The following MTR variants were observed in gnomAD, a reference collection of about 807,000 sequenced individuals.
MTR encodes 5-methyltetrahydrofolate-homocysteine methyltransferase.
A neutral mutation model predicts 154.8 loss-of-function variants in MTR; 84 were observed. The observed-to-expected ratio is 0.54, with a 90% CI of 0.45 to 0.65. The LOEUF is 0.65. Among genes scored for constraint, MTR ranks in the 30% least tolerant of loss-of-function variants. The pLI is 0.00. For synonymous variants in MTR, 554 were observed against 553.9 expected, an observed-to-expected ratio of 1.00 and a Z score of 0.00; for missense variants, 1,275 against 1,570.2, an observed-to-expected ratio of 0.81 and a Z score of 3.18.
chr1:236,845,295 G>GA (rs528234112), intron 15 of MTR, among the ~76,000 whole-genome samples: 9 of 152,094 alleles, frequency 5.9e-5, no homozygotes, highest in Non-Finnish European at 1.2e-4. Flanking sequence ...GCAAATGTAG[G>GA]AAAAAAAATT....
At chr1:236,857,501 G>A (rs577444223) in intron 18 of MTR, among the ~76,000 whole-genome samples, 15 of 152,170 alleles carry the variant, frequency 9.9e-5, no homozygotes, top group African/African-American at 3.4e-4. Flanking sequence ...AAACTCCACC[G>A]CATGGGTTTT....
At chr1:236,884,060 CAAAT>C (rs1244213319) in intron 25 of MTR, among the ~76,000 whole-genome samples, 1 of 151,898 alleles carries the variant, frequency 6.6e-6, no homozygotes, top group Non-Finnish European at 1.5e-5. Context: ...ATCATAATAA[CAAAT>C]AATATTTAGC....
intron 24 of MTR, among the ~76,000 whole-genome samples, chr1:236,878,683 C>A (rs1481796573): frequency 6.6e-6 from 1 of 152,118 alleles, no homozygotes; most frequent in African/African-American, 2.4e-5. Context: ...TCAAAGCTGT[C>A]CTGAGCTGCA....
chr1:236,840,577 G>A (rs1327183953), intron 15 of MTR, among the ~76,000 whole-genome samples: 1 of 152,196 alleles, frequency 6.6e-6, no homozygotes, highest in African/African-American at 2.4e-5. Context: ...GAAGCCACAT[G>A]GCCACGTGGA....
intron 14 of MTR, among the ~76,000 whole-genome samples, chr1:236,836,356 C>T (rs2385504): frequency 0.21 from 31,898 of 151,856 alleles, 3,698 homozygotes; most frequent in African/African-American, 0.3. Context: ...CAGGCTTCTC[C>T]CACTTCGGCT....
chr1:236,888,011 C>T (rs965507973), intron 27 of MTR, among the ~76,000 whole-genome samples: 1 of 152,114 alleles, frequency 6.6e-6, no homozygotes, highest in Non-Finnish European at 1.5e-5. Flanking sequence ...AGGATATTTC[C>T]AAAGAAGGGA....
intron 18 of MTR, among the ~76,000 whole-genome samples, chr1:236,858,808 G>A (rs1664355604): frequency 1.3e-5 from 2 of 152,142 alleles, no homozygotes; most frequent in African/African-American, 2.4e-5. Context: ...AGTTGAGGTG[G>A]AGAAAACAAT....
In MTR at chr1:236,852,611, G is replaced by A; in HGVS notation, c.1786G>A (p.Gly596Arg). 1 of 1,613,952 alleles carries A rather than the reference G, an allele frequency of 6.2e-7. No individual in the cohort carries two copies. Residue 596 changes from glycine (G) to arginine (R), a missense_variant, in exon 17 of 33, where the codon GGG becomes AGG. Transcript: ENST00000366577. ...GGAAGCCATTCGAGAAGCAATGCAT[G>A]GGGTTTTCCTTTACCATGCAATCAA... Reference protein sequence around the residue: ...GMEAIREAMHGVFLYHAIKSG... With the variant: ...GMEAIREAMHRVFLYHAIKSG...
intron 15 of MTR, among the ~76,000 whole-genome samples, chr1:236,841,855 C>T (rs1215510039): frequency 6.6e-6 from 1 of 151,984 alleles, no homozygotes. Context: ...CTTCTCATTC[C>T]CACTGGTATT....
Position 236,852,537 on chromosome 1 carries a change from C to G in MTR, c.1712C>G (p.Ala571Gly). 1.2e-6 allele frequency: 2 copies of G among 1,613,852 alleles called. No individual in the cohort carries two copies. The highest frequency in any genetic ancestry group is 8.5e-7 in the Non-Finnish European group (1 of 1,179,892). Residue 571 changes from alanine to glycine, a missense_variant, in exon 17 of 33, where the codon GCC (alanine) becomes GGC (glycine). By Grantham distance (60) the Ala-to-Gly change is moderately conservative. Coordinates refer to ENST00000366577, the MANE Select transcript of MTR (RefSeq NM_000254.3). ...TKVIKETLPG[A>G]RISGGLSNLS... ...TTTTGCCAGGAAACATTACCTGGAG[C>G]CAGAATAAGTGGAGGTCTTTCCAAC...
At position 236,901,905 on chromosome 1, in the gene MTR, C is replaced by G. The variant is rs1396729765; in HGVS notation, c.*4261C>G. 24 of 152,244 alleles carry G rather than the reference C, an allele frequency of 1.6e-4. No homozygotes were observed. Among genetic ancestry groups the G allele is most frequent in the Admixed American group, 1.6e-3 (24 of 15,282 alleles). 9.4% of individuals were successfully genotyped at this position (152,244 alleles called of 1,614,324 possible). A position where few individuals can be genotyped will look rare whatever the true frequency, so the allele number is the denominator to read the frequency against. On this transcript the variant is annotated 3_prime_UTR_variant, in exon 33 of 33. Coordinates refer to ENST00000366577, the MANE Select transcript of MTR (RefSeq NM_000254.3). ...CTTTTCTTTTTCTCAACCTTCACAT[C>G]CAGTTGGTTCTCAAGCCCTGGCGAT...
Position 236,900,676 on chromosome 1 carries a change from G to T in MTR, c.*3032G>T. 6.6e-6 allele frequency: 1 copy of T among 152,122 alleles called. No individual in the cohort carries two copies. Among genetic ancestry groups the T allele is most frequent in the South Asian group, 2.1e-4 (1 of 4,820 alleles). The allele number at this position is 152,122 out of a possible 1,614,324, so 9.4% of individuals were successfully genotyped here. ...AAGTGGAATGATAACCTAAAATCTGGTATGGTGATTTTGTAGGTAATGTTT... is the reference window on the plus strand; with the variant it reads ...AAGTGGAATGATAACCTAAAATCTGTTATGGTGATTTTGTAGGTAATGTTT... On this transcript the variant is annotated 3_prime_UTR_variant, in exon 33 of 33. Transcript: ENST00000366577.
At chr1:236,893,226 G>C (rs1369576669) in intron 29 of MTR, among the ~76,000 whole-genome samples, 1 of 152,210 alleles carries the variant, frequency 6.6e-6, no homozygotes, top group Non-Finnish European at 1.5e-5. Context: ...CCCATGCACA[G>C]CTGTCCCTGA....
At chr1:236,834,516 A>G (rs1186666060) in intron 13 of MTR, among the ~76,000 whole-genome samples, 6 of 152,008 alleles carry the variant, frequency 3.9e-5, no homozygotes, top group Admixed American at 1.3e-4. Flanking sequence ...CTTTTTCTCT[A>G]TGTGGCCTTG....
chr1:236,820,475 T>C (rs943022282), intron 8 of MTR: 8 of 1,398,834 alleles, frequency 5.7e-6, no homozygotes, highest in Admixed American at 1.7e-5. Flanking sequence ...CAGCTCCCAC[T>C]GCTCAGGCCA....
rs764192303 is a variant in MTR, at chr1:236,803,733, G to A, written c.249+91G>A. The stretch of plus-strand genomic sequence containing the variant: ...GGCAGGCTGCTATGCCGAGTGCTCC[G>A]GAGAATAAAGAATAAAGAGGCAATT... On this transcript the variant is annotated intron_variant, in intron 2 of 32. Coordinates refer to ENST00000366577, the MANE Select transcript of MTR (RefSeq NM_000254.3). 35 of 1,264,304 alleles carry A rather than the reference G, an allele frequency of 2.8e-5. 1 individual carries two copies. The highest frequency in any genetic ancestry group is 3.7e-5 in the Admixed American group (2 of 54,514). The allele number at this position is 1,264,304 out of a possible 1,614,324, so 78.3% of individuals were successfully genotyped here.
intron 30 of MTR, chr1:236,895,029 G>T: frequency 2.5e-6 from 1 of 402,064 alleles, no homozygotes; most frequent in Non-Finnish European, 4.6e-6. Flanking sequence ...GGAGGAACTA[G>T]CAGCTGTATG....
Position 236,885,310 on chromosome 1 carries a change from G to A in MTR, c.2775+91G>A. The A allele has an allele frequency of 3.5e-6, 3 of 857,264 alleles. 1 individual carries two copies. The South Asian group carries it at 4.2e-5, about 12-fold the overall frequency. 53.1% of individuals were successfully genotyped at this position (857,264 alleles called of 1,614,324 possible). A position where few individuals can be genotyped will look rare whatever the true frequency, so the allele number is the denominator to read the frequency against. ...ATGTGACTTTTTAAAATGGTTTTGAGGAGTGTAAAAGGCTTTGGATCATTT... is the reference window on the plus strand; with the variant it reads ...ATGTGACTTTTTAAAATGGTTTTGAAGAGTGTAAAAGGCTTTGGATCATTT... On this transcript the variant is annotated intron_variant, in intron 26 of 32. Coordinates refer to ENST00000366577, the MANE Select transcript of MTR (RefSeq NM_000254.3).
intron 25 of MTR, among the ~76,000 whole-genome samples, chr1:236,883,452 AG>A (rs1031744659): frequency 5.3e-5 from 8 of 152,190 alleles, no homozygotes; most frequent in Non-Finnish European, 1.0e-4. Flanking sequence ...CACCAGCATC[AG>A]GGGGTCGTAG....
Sources: gnomAD v4.1 joint callset for allele counts (sites outside exome capture counted in the v4.1 genomes callset) on GRCh38, gnomAD v4.1.1 for gene constraint, MANE v1.5 for transcripts, NCBI Gene and HGNC (gene_info 2026-07-23, HGNC 2026-07-21) for gene names.